ANTXR1: variants seen among roughly 807,000 people sequenced by gnomAD.
The protein encoded by ANTXR1 is ANTXR cell adhesion molecule 1, also known as anthrax toxin receptor 1.
Under a neutral mutation model 78.1 loss-of-function variants are expected in ANTXR1, and 19 were observed. The observed-to-expected ratio is 0.24, with a 90% confidence interval of 0.17 to 0.36. The LOEUF is 0.36. Ranked by LOEUF, ANTXR1 falls within the 10% of genes least tolerant of loss-of-function variation. The pLI, the probability that ANTXR1 is intolerant of heterozygous loss-of-function variation, is 1.00. For synonymous variants in ANTXR1, 273 were observed against 260.5 expected (o/e 1.05, Z -0.46); for missense variants, 518 against 718.6 (o/e 0.72, Z 3.19).
chr2:69,136,124 CCA>C (rs1346203962), intron 12 of ANTXR1, among the ~76,000 whole-genome samples: 1 of 152,136 alleles, frequency 6.6e-6, no homozygotes, highest in Non-Finnish European at 1.5e-5. Flanking sequence ...AGACATCCTA[CCA>C]CAGATACATC....
At chr2:69,061,520 A>G (rs1292534035) in intron 3 of ANTXR1, among the ~76,000 whole-genome samples, 2 of 149,686 alleles carry the variant, frequency 1.3e-5, no homozygotes, top group Admixed American at 6.7e-5. Context: ...AAAAAAAAAA[A>G]GCTGGTCATT....
chr2:69,243,731 T>C (rs1248443827), intron 17 of ANTXR1, among the ~76,000 whole-genome samples: 1 of 152,174 alleles, frequency 6.6e-6, no homozygotes. Flanking sequence ...AACTCTGTGC[T>C]CTCTGGACAT....
chr2:69,123,203 C>A, intron 11 of ANTXR1, 117 bp downstream of exon 11: 1 of 1,074,480 alleles, frequency 9.3e-7, no homozygotes, highest in Non-Finnish European at 1.4e-6. Context: ...GTTCCTCCAG[C>A]TTATGACGGA....
At chr2:69,016,467 G>A (rs1671029029) in intron 1 of ANTXR1, among the ~76,000 whole-genome samples, 1 of 151,960 alleles carries the variant, frequency 6.6e-6, no homozygotes, top group South Asian at 2.1e-4. Context: ...ATAAAAAGCT[G>A]AGGATTACAT....
chr2:69,125,248 A>G (rs1194163691), intron 12 of ANTXR1, among the ~76,000 whole-genome samples: 1 of 152,218 alleles, frequency 6.6e-6, no homozygotes, highest in Non-Finnish European at 1.5e-5. Flanking sequence ...TCTCTCTCCC[A>G]GCTCCTCAGA....
At chr2:69,038,102 C>T (rs1249018089) in intron 1 of ANTXR1, among the ~76,000 whole-genome samples, 1 of 152,116 alleles carries the variant, frequency 6.6e-6, no homozygotes, top group Admixed American at 6.6e-5. Context: ...CAGCCTGCAC[C>T]AGCACAGAGA....
chr2:69,238,186 A>G (rs937238465), intron 17 of ANTXR1, among the ~76,000 whole-genome samples: 5 of 152,202 alleles, frequency 3.3e-5, no homozygotes, highest in African/African-American at 9.6e-5. Flanking sequence ...AGGAGAGAGA[A>G]TCTGATTGGT....
At chr2:69,199,999 G>A (rs913114232) in intron 17 of ANTXR1, among the ~76,000 whole-genome samples, 1 of 152,102 alleles carries the variant, frequency 6.6e-6, no homozygotes, top group Non-Finnish European at 1.5e-5. Context: ...AGATGGAAAA[G>A]AGAAAATAGA....
intron 13 of ANTXR1, among the ~76,000 whole-genome samples, chr2:69,166,926 G>T (rs555835855): frequency 6.6e-6 from 1 of 152,340 alleles, no homozygotes; most frequent in South Asian, 2.1e-4. Flanking sequence ...AAACAAACAT[G>T]ATGGGAGCCC....
chr2:69,063,337 T>G (rs558927459), intron 3 of ANTXR1, among the ~76,000 whole-genome samples: 2 of 151,562 alleles, frequency 1.3e-5, no homozygotes, highest in African/African-American at 4.8e-5. Context: ...TACTTTTTAT[T>G]AGGAAAAAAA....
chr2:69,149,946 G>A (rs1673346111), intron 12 of ANTXR1, among the ~76,000 whole-genome samples: 1 of 152,172 alleles, frequency 6.6e-6, no homozygotes, highest in Non-Finnish European at 1.5e-5. Context: ...CGTCGGCCAT[G>A]GCATGTCCAT....
intron 1 of ANTXR1, among the ~76,000 whole-genome samples, chr2:69,033,211 T>A (rs1180992103): frequency 6.6e-6 from 1 of 152,084 alleles, no homozygotes; most frequent in East Asian, 1.9e-4. Flanking sequence ...GTGACTAGGT[T>A]TGGGTCTGTA....
chr2:69,027,577 C>T (rs1671381394), intron 1 of ANTXR1, among the ~76,000 whole-genome samples: 1 of 151,814 alleles, frequency 6.6e-6, no homozygotes, highest in Non-Finnish European at 1.5e-5. Context: ...CTCCTTTTCA[C>T]CAGATTAATT....
At chr2:69,073,145 G>A (rs758980852) in intron 6 of ANTXR1, 44 bp downstream of exon 6, 2 of 1,586,110 alleles carry the variant, frequency 1.3e-6, no homozygotes, top group Non-Finnish European at 1.7e-6. Context: ...CATGGAACGG[G>A]GCTTCTCCTT....
At position 69,067,976 on chromosome 2, in the gene ANTXR1, G is replaced by A. The variant is rs138195233; in HGVS notation, c.297-2671G>A. On this transcript the variant is annotated intron_variant, in intron 3 of 17. Coordinates refer to ENST00000303714, the MANE Select transcript of ANTXR1 (RefSeq NM_032208.3). ...ATATAAGAAATACAACCTAGAGAAT[G>A]ATTTTTAACCACCACATGGGCCCAG... Among the ~76,000 whole-genome samples the A allele has an allele frequency of 8.4e-3, 1,278 of 152,294 alleles. 8 individuals carry two copies. Among genetic ancestry groups the A allele is most frequent in the South Asian group, 0.016 (76 of 4,820 alleles).
intron 1 of ANTXR1, among the ~76,000 whole-genome samples, chr2:69,036,702 T>C (rs1022936433): frequency 6.6e-6 from 1 of 152,206 alleles, no homozygotes; most frequent in Non-Finnish European, 1.5e-5. Flanking sequence ...TGGCCACTAA[T>C]GGCCAGTCTT....
Position 69,026,572 on chromosome 2 carries a change from G to A in ANTXR1, c.152+12921G>A, listed in dbSNP as rs150667027. ...GGACCAACCAGGCACTCAAATATCA[G>A]TTTGCTGATCAATATGTGCATACTA... On this transcript the variant is annotated intron_variant, in intron 1 of 17. Coordinates refer to ENST00000303714, the MANE Select transcript of ANTXR1 (RefSeq NM_032208.3). Among the ~76,000 whole-genome samples, 1,037 of 152,318 alleles carry A rather than the reference G, an allele frequency of 6.8e-3. 4 individuals are homozygous for A. The highest frequency in any genetic ancestry group is 9.7e-3 in the Non-Finnish European group (662 of 68,038).
intron 3 of ANTXR1, among the ~76,000 whole-genome samples, chr2:69,053,400 T>A (rs1341599328): frequency 6.6e-6 from 1 of 151,860 alleles, no homozygotes; most frequent in Non-Finnish European, 1.5e-5. Context: ...TGGATTATTG[T>A]GTTAAGAACT....
intron 13 of ANTXR1, among the ~76,000 whole-genome samples, chr2:69,167,922 G>C (rs1339082714): frequency 6.6e-6 from 1 of 152,198 alleles, no homozygotes; most frequent in Non-Finnish European, 1.5e-5. Flanking sequence ...ATGTAGAATA[G>C]ATATTCAATT....
Sources: allele counts gnomAD v4.1 joint callset (sites outside exome capture counted in the v4.1 genomes callset), GRCh38; gene constraint gnomAD v4.1.1; transcripts MANE v1.5; gene names NCBI Gene and HGNC (gene_info 2026-07-23, HGNC 2026-07-21).